The following PCNX2 variants were observed in gnomAD, a reference collection of about 807,000 sequenced individuals.
The protein encoded by PCNX2 is pecanex 2.
In PCNX2, 168 loss-of-function variants were observed where a neutral mutation model predicts 223.8. The observed-to-expected ratio is 0.75, with a 90% CI of 0.66 to 0.85. PCNX2 has a LOEUF of 0.85. Among genes scored for constraint, PCNX2 ranks in the 40% least tolerant of loss-of-function variants. The pLI, the probability that PCNX2 is intolerant of heterozygous loss-of-function variation, is 0.00. For synonymous variants in PCNX2, 1,006 were observed against 1,052.6 expected, an observed-to-expected ratio of 0.96 and a Z score of 0.86; for missense variants, 2,507 against 2,675.5, an observed-to-expected ratio of 0.94 and a Z score of 1.39.
chr1:233,217,985 A>T, intron 11 of PCNX2, 46 bp downstream of exon 11: 2 of 1,613,438 alleles, frequency 1.2e-6, no homozygotes, highest in Non-Finnish European at 1.7e-6. Context: ...TCAAGGCTAC[A>T]TTAGTGACAG....
At chr1:233,200,052 C>T (rs908951183) in intron 14 of PCNX2, 102 bp downstream of exon 14, 3 of 957,228 alleles carry the variant, frequency 3.1e-6, no homozygotes, top group Non-Finnish European at 4.6e-6. Flanking sequence ...ATGCTCAGGA[C>T]AAAGAAAACC....
intron 15 of PCNX2, among the ~76,000 whole-genome samples, chr1:233,197,360 A>G (rs1409497093): frequency 6.6e-6 from 1 of 152,222 alleles, no homozygotes; most frequent in African/African-American, 2.4e-5. Flanking sequence ...TTGTATAGGC[A>G]GCCATTTTAC....
the PCNX2 span, among the ~76,000 whole-genome samples, chr1:233,316,880 C>T: frequency 6.6e-6 from 1 of 152,172 alleles, no homozygotes. Context: ...TTTACTTATT[C>T]ATCCTGTCTA....
intron 23 of PCNX2, among the ~76,000 whole-genome samples, chr1:233,060,767 A>G (rs1672376934): frequency 6.6e-6 from 1 of 152,222 alleles, no homozygotes. Context: ...GTCTGCATGC[A>G]TGGTCTTCCT....
chr1:233,116,447 A>G (rs562873951), intron 21 of PCNX2, among the ~76,000 whole-genome samples: 2 of 152,296 alleles, frequency 1.3e-5, no homozygotes, highest in South Asian at 4.1e-4. Flanking sequence ...AAATGAAATC[A>G]TACAGTGTAC....
chr1:233,161,193 T>A, intron 18 of PCNX2, 78 bp downstream of exon 18: 1 of 1,340,244 alleles, frequency 7.5e-7, no homozygotes, highest in Non-Finnish European at 1.1e-6. Context: ...GTCTTGTCAA[T>A]ACCCTGTAGC....
chr1:233,322,287 G>A, the PCNX2 span, among the ~76,000 whole-genome samples: 1 of 152,098 alleles, frequency 6.6e-6, no homozygotes, highest in Non-Finnish European at 1.5e-5. Flanking sequence ...GTCCTTGGTG[G>A]ATTGTGCTGG....
At chr1:233,250,066 A>G (rs1301175928) in intron 8 of PCNX2, among the ~76,000 whole-genome samples, 2 of 152,216 alleles carry the variant, frequency 1.3e-5, no homozygotes, top group Non-Finnish European at 2.9e-5. Flanking sequence ...ATATAATTCT[A>G]AAGAAGCATA....
At chr1:233,138,705 A>G (rs1169357309) in intron 20 of PCNX2, among the ~76,000 whole-genome samples, 1 of 152,206 alleles carries the variant, frequency 6.6e-6, no homozygotes, top group East Asian at 1.9e-4. Context: ...TGAAGTCTAG[A>G]ATTTTAAGTA....
Position 232,984,413 on chromosome 1 carries a change from A to G in PCNX2, c.6305T>C (p.Leu2102Pro). The stretch of plus-strand genomic sequence containing the variant: ...GAGAGTGTCCGCCACAGCCTCAGCC[A>G]GACATCGGTCATGAAGCTGCCCCTG... The part of the protein sequence containing the change: ...TEQGQLHDRC[L>P]AEAVADTLGV... Residue 2102 changes from leucine (L) to proline (P), a missense_variant, in exon 34 of 34, where the codon CTG (leucine) becomes CCG (proline). Physicochemically the swap from Leu to Pro is moderately conservative, Grantham distance 98 (BLOSUM62 -3). Coordinates refer to ENST00000258229, the MANE Select transcript of PCNX2 (RefSeq NM_014801.4). 1 of 1,613,708 alleles carries G rather than the reference A, an allele frequency of 6.2e-7. No individual in the cohort carries two copies. The highest frequency in any genetic ancestry group is 1.7e-5 in the Admixed American group (1 of 60,004).
chr1:233,071,924 G>A (rs1223685246), intron 23 of PCNX2, among the ~76,000 whole-genome samples: 1 of 152,018 alleles, frequency 6.6e-6, no homozygotes, highest in African/African-American at 2.4e-5. Flanking sequence ...TTTATCATAC[G>A]CTTGGCTGCA....
intron 25 of PCNX2, among the ~76,000 whole-genome samples, chr1:233,026,903 G>T (rs1013311168): frequency 6.6e-6 from 1 of 152,164 alleles, no homozygotes; most frequent in African/African-American, 2.4e-5. Flanking sequence ...AAGCTCTGGG[G>T]ACAAGCCCTG....
the PCNX2 span, among the ~76,000 whole-genome samples, chr1:233,309,538 C>CAAAAAAAAA: frequency 7.1e-6 from 1 of 141,520 alleles, no homozygotes; most frequent in Non-Finnish European, 1.5e-5. Context: ...GAGACTCCCT[C>CAAAAAAAAA]AAAAAAATAA....
At chr1:233,054,625 C>T (rs12083636) in intron 24 of PCNX2, 142 bp from the exon 25 acceptor site, 20,969 of 693,288 alleles carry the variant, frequency 0.03, 1,347 homozygotes, top group African/African-American at 0.21. Context: ...GTTCTTCCCA[C>T]ATTTTAGTGG....
chr1:233,241,197 G>GTT, intron 8 of PCNX2: 1 of 985,402 alleles, frequency 1.0e-6, no homozygotes, highest in African/African-American at 1.7e-5. Flanking sequence ...TAAAATTTGT[G>GTT]TGAGTATCGG....
At chr1:233,053,840 A>T (rs1261255463) in intron 25 of PCNX2, among the ~76,000 whole-genome samples, 2 of 152,196 alleles carry the variant, frequency 1.3e-5, no homozygotes, top group African/African-American at 4.8e-5. Context: ...CATTCTCATT[A>T]TTATTATTTT....
At chr1:233,159,107 G>A (rs1425428962) in intron 19 of PCNX2, among the ~76,000 whole-genome samples, 5 of 152,130 alleles carry the variant, frequency 3.3e-5, no homozygotes, top group Admixed American at 3.3e-4. Context: ...TTCTGTAGGT[G>A]GGAAGAGTAA....
chr1:233,286,092 T>G (rs1661431143), intron 1 of PCNX2, among the ~76,000 whole-genome samples: 1 of 152,064 alleles, frequency 6.6e-6, no homozygotes, highest in Admixed American at 6.5e-5. Context: ...TGAGGATGAG[T>G]TACATGATCC....
chr1:233,254,510 T>C (rs1444764868), intron 5 of PCNX2, among the ~76,000 whole-genome samples: 5 of 152,204 alleles, frequency 3.3e-5, no homozygotes, highest in Non-Finnish European at 5.9e-5. Context: ...GGACGGTTTT[T>C]TTCCTTTTTT....
Sources: allele counts gnomAD v4.1 joint callset (sites outside exome capture counted in the v4.1 genomes callset), GRCh38; gene constraint gnomAD v4.1.1; transcripts MANE v1.5; gene names NCBI Gene and HGNC (gene_info 2026-07-23, HGNC 2026-07-21).